Variants in COLEC10 observed in about 807,000 individuals in gnomAD.
COLEC10 encodes the protein collectin-10.
COLEC10 carries 22 observed loss-of-function variants against 28.4 expected under a neutral mutation model. That is an observed-to-expected ratio of 0.78 (90% CI 0.55 to 1.11). The LOEUF (loss-of-function observed/expected upper bound fraction) is 1.11, where lower values mean the gene tolerates loss of function less well. COLEC10 is among the 50% of genes least tolerant of loss of function. COLEC10 has a pLI of 0.00. For synonymous variants in COLEC10, 125 were observed against 116.1 expected, an observed-to-expected ratio of 1.08 and a Z score of -0.49; for missense variants, 361 against 344.1, an observed-to-expected ratio of 1.05 and a Z score of -0.39.
intron 1 of COLEC10, among the ~76,000 whole-genome samples, chr8:119,000,130 AT>A (rs1405840729): frequency 6.6e-6 from 1 of 152,200 alleles, no homozygotes; most frequent in Non-Finnish European, 1.5e-5. Flanking sequence ...CACCTATTCC[AT>A]TATAACAGGG....
chr8:119,062,801 T>G (rs2130199569), upstream of COLEC10: 1 of 152,320 alleles, frequency 6.6e-6, no homozygotes, highest in East Asian at 1.9e-4. Flanking sequence ...AATGCGGTTT[T>G]AAAATATGAA....
chr8:119,031,093 A>C (rs1388362283), intron 2 of COLEC10, among the ~76,000 whole-genome samples: 1 of 152,240 alleles, frequency 6.6e-6, no homozygotes. Context: ...GGTTGTACAA[A>C]TGCTGTTTTA....
At chr8:119,091,302 C>T (rs1815588941) in intron 3 of COLEC10, 82 bp downstream of exon 3, 1 of 990,254 alleles carries the variant, frequency 1.0e-6, no homozygotes, top group South Asian at 1.4e-5. Context: ...GTAATCCCAA[C>T]ACTCAGAGAC....
At chr8:119,091,025 T>C (rs1815581262) in intron 2 of COLEC10, 124 bp from the exon 3 acceptor site, 1 of 735,180 alleles carries the variant, frequency 1.4e-6, no homozygotes, top group Non-Finnish European at 2.4e-6. Context: ...GCATGGGATA[T>C]ATATTAGATA....
intron 3 of COLEC10, among the ~76,000 whole-genome samples, chr8:119,099,959 T>C (rs534066679): frequency 6.6e-6 from 1 of 152,218 alleles, no homozygotes; most frequent in South Asian, 2.1e-4. Flanking sequence ...AGCCCAGAAC[T>C]AGGATCATAG....
At position 119,106,502 on chromosome 8, in the gene COLEC10, A is replaced by T. The variant is rs906897100; in HGVS notation, c.*311A>T. ...TTGTTCTCTTGGTATTTGCTCTACC[A>T]TCTCTCCCTAGAGCACTCTGTGTCT... On this transcript the variant is annotated 3_prime_UTR_variant, in exon 6 of 6. Transcript: ENST00000332843. 5 of 265,896 alleles carry T rather than the reference A, an allele frequency of 1.9e-5. No individual in the cohort carries two copies. The highest frequency in any genetic ancestry group is 1.6e-4 in the South Asian group (3 of 18,724). The allele number at this position is 265,896 out of a possible 1,614,324, so 16.5% of individuals were successfully genotyped here. A position where few individuals can be genotyped will look rare whatever the true frequency, so the allele number is the denominator to read the frequency against.
At chr8:119,104,095 G>A (rs1326838836) in intron 5 of COLEC10, among the ~76,000 whole-genome samples, 200 bp downstream of exon 5, 5 of 152,076 alleles carry the variant, frequency 3.3e-5, no homozygotes, top group Non-Finnish European at 7.4e-5. Context: ...ATATTTATAT[G>A]TATGTGCATT....
chr8:119,007,848 G>A (rs1346000556), intron 1 of COLEC10, among the ~76,000 whole-genome samples: 2 of 150,620 alleles, frequency 1.3e-5, no homozygotes, highest in Non-Finnish European at 2.9e-5. Flanking sequence ...ACTTAATCTG[G>A]CTCAGGGAAT....
chr8:119,076,147 G>A (rs1242142863), intron 1 of COLEC10, among the ~76,000 whole-genome samples: 6 of 145,912 alleles, frequency 4.1e-5, no homozygotes, highest in Non-Finnish European at 7.5e-5. Context: ...TCCTGGCCTC[G>A]TGATCCGCCT....
chr8:119,016,828 T>C (rs2130097050), intron 2 of COLEC10, among the ~76,000 whole-genome samples: 2 of 152,304 alleles, frequency 1.3e-5, no homozygotes, highest in Admixed American at 1.3e-4. Context: ...GCAATTCTCC[T>C]GCCTCAGCCT....
the COLEC10 span, among the ~76,000 whole-genome samples, chr8:118,987,525 C>T: frequency 2.0e-5 from 3 of 152,162 alleles, no homozygotes; most frequent in Non-Finnish European, 4.4e-5. Context: ...GATCGCACCA[C>T]TGCAGTTCAG....
chr8:118,957,284 G>A, the COLEC10 span, among the ~76,000 whole-genome samples: 2 of 152,308 alleles, frequency 1.3e-5, no homozygotes, highest in South Asian at 4.1e-4. Flanking sequence ...ACTAAACCTA[G>A]AAATAAACTC....
At chr8:119,037,421 T>C (rs987792218) in intron 2 of COLEC10, among the ~76,000 whole-genome samples, 1 of 152,050 alleles carries the variant, frequency 6.6e-6, no homozygotes, top group East Asian at 1.9e-4. Context: ...ATTTTTTTTT[T>C]CCTGTCTATG....
intron 1 of COLEC10, among the ~76,000 whole-genome samples, 166 bp from the exon 2 acceptor site, chr8:119,089,514 A>G (rs1815546011): frequency 6.6e-6 from 1 of 152,280 alleles, no homozygotes; most frequent in Admixed American, 6.5e-5. Flanking sequence ...TCTTCCTTTC[A>G]CCTGATTGTC....
intron 1 of COLEC10, among the ~76,000 whole-genome samples, chr8:119,088,497 C>G (rs1198685143): frequency 6.6e-6 from 1 of 152,190 alleles, no homozygotes; most frequent in African/African-American, 2.4e-5. Flanking sequence ...AATCTCTGGT[C>G]GTGTTTTTTC....
chr8:119,089,509 C>T (rs1180553031), intron 1 of COLEC10, among the ~76,000 whole-genome samples, 171 bp from the exon 2 acceptor site: 1 of 152,162 alleles, frequency 6.6e-6, no homozygotes, highest in Admixed American at 6.6e-5. Flanking sequence ...AAGTTTCTTC[C>T]TTTCACCTGA....
rs1203551984 is a variant in COLEC10, at chr8:119,041,468, C to A, written n.235+31915C>A. 2.0e-5 allele frequency among the ~76,000 whole-genome samples: 3 copies of A among 152,150 alleles called. No individual in the cohort carries two copies. In the East Asian group the frequency reaches 5.8e-4, roughly 29 times the overall value. The stretch of plus-strand genomic sequence containing the variant: ...AGTACTACTGAACAGAATTGCTAAG[C>A]ACTAGTAAGTTTGAAATATTCATTT... On this transcript the variant is annotated intron_variant and non_coding_transcript_variant, in intron 2 of 6. Transcript: ENST00000521788.
chr8:119,087,071 T>G (rs1327883635), intron 1 of COLEC10, among the ~76,000 whole-genome samples: 1 of 152,216 alleles, frequency 6.6e-6, no homozygotes, highest in African/African-American at 2.4e-5. Context: ...GGGGATCAAA[T>G]GATAGATTGT....
intron 3 of COLEC10, among the ~76,000 whole-genome samples, chr8:119,095,612 G>A (rs1487995043): frequency 2.0e-5 from 3 of 152,144 alleles, no homozygotes; most frequent in Admixed American, 6.5e-5. Flanking sequence ...TGAGGTGGGA[G>A]AATTGCTTGA....
Sources: allele counts gnomAD v4.1 joint callset (sites outside exome capture counted in the v4.1 genomes callset), GRCh38; gene constraint gnomAD v4.1.1; transcripts MANE v1.5; gene names NCBI Gene and HGNC (gene_info 2026-07-23, HGNC 2026-07-21).